FAM167A: variants seen among roughly 807,000 people sequenced by gnomAD.
FAM167A encodes the protein protein FAM167A.
Under a neutral mutation model 14.9 loss-of-function variants are expected in FAM167A, and 23 were observed. The observed-to-expected ratio is 1.55, with a 90% CI of 1.11 to 2.19. The LOEUF is 2.19. Ranked by LOEUF, FAM167A falls within the 30% of genes most tolerant of loss-of-function variation. FAM167A has a pLI of 0.00. For synonymous variants in FAM167A, 174 were observed against 117.7 expected, an observed-to-expected ratio of 1.48 and a Z score of -3.10; for missense variants, 401 against 281.5, an observed-to-expected ratio of 1.42 and a Z score of -3.04.
At chr8:11,438,036 G>A (rs550571744) in intron 2 of FAM167A, 24 of 389,496 alleles carry the variant, frequency 6.2e-5, no homozygotes, top group East Asian at 3.0e-4. Flanking sequence ...CTTCTCCTTC[G>A]AAGGGAAACT....
intron 2 of FAM167A, among the ~76,000 whole-genome samples, chr8:11,431,819 CT>C (rs1805610909): frequency 7.7e-6 from 1 of 130,262 alleles, no homozygotes; most frequent in Non-Finnish European, 1.5e-5. Flanking sequence ...GAAGAGTAGT[CT>C]GGGAGGTAGA....
At chr8:11,430,871 C>G (rs1022590435) in intron 2 of FAM167A, among the ~76,000 whole-genome samples, 5 of 152,022 alleles carry the variant, frequency 3.3e-5, no homozygotes, top group Non-Finnish European at 7.3e-5. Context: ...TCTAATGCAT[C>G]AAGCCAGTGG....
At chr8:11,446,186 C>T (rs1192196932) in intron 1 of FAM167A, among the ~76,000 whole-genome samples, 1 of 152,188 alleles carries the variant, frequency 6.6e-6, no homozygotes, top group Non-Finnish European at 1.5e-5. Context: ...TGGGATTCCT[C>T]TCCGACATGG....
chr8:11,437,680 G>C (rs973881393), intron 2 of FAM167A, among the ~76,000 whole-genome samples: 3 of 147,562 alleles, frequency 2.0e-5, no homozygotes, highest in Non-Finnish European at 2.9e-5. Flanking sequence ...AGGGCTGGGA[G>C]GGATCTGCAT....
chr8:11,447,095 C>A (rs571329907), intron 1 of FAM167A, among the ~76,000 whole-genome samples: 17 of 152,326 alleles, frequency 1.1e-4, no homozygotes, highest in South Asian at 1.0e-3. Flanking sequence ...GCTACCACTG[C>A]TGGGTGAGGG....
Position 11,438,477 on chromosome 8 carries a change from C to T in FAM167A, c.381+5554G>A, listed in dbSNP as rs904421980. The stretch of plus-strand genomic sequence containing the variant: ...GAAGTACAAGGTGAAGAATGCATAC[C>T]GATTACATTGGCAAGGGAGAGAAGA... On this transcript the variant is annotated intron_variant, in intron 2 of 2. Coordinates refer to ENST00000284486, the MANE Select transcript of FAM167A (RefSeq NM_053279.3). 9 of 457,200 alleles carry T rather than the reference C, an allele frequency of 2.0e-5. No homozygotes were observed. In the East Asian group the frequency reaches 2.1e-4, roughly 11 times the overall value. 28.3% of individuals were successfully genotyped at this position (457,200 alleles called of 1,614,324 possible).
chr8:11,426,824 T>A (rs1357011764), intron 2 of FAM167A, among the ~76,000 whole-genome samples: 2 of 152,212 alleles, frequency 1.3e-5, no homozygotes, highest in African/African-American at 4.8e-5. Context: ...TGTGTCTTAG[T>A]CTGGCTCACT....
chr8:11,441,629 T>C (rs1806443444), intron 2 of FAM167A, among the ~76,000 whole-genome samples: 1 of 152,206 alleles, frequency 6.6e-6, no homozygotes, highest in African/African-American at 2.4e-5. Context: ...CCCATAGCTC[T>C]CTACCCTGTA....
chr8:11,429,151 C>T (rs1323990012), intron 2 of FAM167A, among the ~76,000 whole-genome samples: 1 of 152,206 alleles, frequency 6.6e-6, no homozygotes, highest in Non-Finnish European at 1.5e-5. Context: ...CTGGCACCCA[C>T]CCTTCTACTT....
intron 2 of FAM167A, among the ~76,000 whole-genome samples, chr8:11,436,597 T>G (rs1295362349): frequency 6.6e-6 from 1 of 152,206 alleles, no homozygotes; most frequent in Non-Finnish European, 1.5e-5. Context: ...CAATTCCACC[T>G]GCAGGAAGGC....
chr8:11,474,605 T>C (rs1284059244), intron 1 of FAM167A: 3 of 152,244 alleles, frequency 2.0e-5, no homozygotes, highest in Admixed American at 6.5e-5. Context: ...AGAGATGGGC[T>C]TACCTAGGGT....
rs989481310 is a variant in FAM167A, at chr8:11,424,269, C to G, written c.*104G>C. Reference sequence around the variant, plus strand: ...CCTTGAGTCGCCAGTCCCAGGGACCCCTGCCTCCGGGAGACCCACTGGAGT... The same window carrying G: ...CCTTGAGTCGCCAGTCCCAGGGACCGCTGCCTCCGGGAGACCCACTGGAGT... On this transcript the variant is annotated 3_prime_UTR_variant, in exon 3 of 3. Coordinates refer to ENST00000284486, the MANE Select transcript of FAM167A (RefSeq NM_053279.3). 5 of 1,503,980 alleles carry G rather than the reference C, an allele frequency of 3.3e-6. No homozygotes were observed. The African/African-American group carries it at 5.5e-5, about 17-fold the overall frequency. 93.2% of individuals were successfully genotyped at this position (1,503,980 alleles called of 1,614,324 possible). A position where few individuals can be genotyped will look rare whatever the true frequency, so the allele number is the denominator to read the frequency against.
At chr8:11,460,189 C>T (rs1199537486) in intron 1 of FAM167A, among the ~76,000 whole-genome samples, 1 of 152,272 alleles carries the variant, frequency 6.6e-6, no homozygotes, top group African/African-American at 2.4e-5. Flanking sequence ...TAGTGGGCTG[C>T]ACCCGTAGAT....
At chr8:11,438,124 C>CCG (rs1219053841) in intron 2 of FAM167A, 33 of 456,638 alleles carry the variant, frequency 7.2e-5, no homozygotes, top group Admixed American at 6.3e-4. Flanking sequence ...CCAGTGGAGG[C>CCG]CGGTAGTGCT....
At chr8:11,450,530 C>T (rs551100604) in intron 1 of FAM167A, among the ~76,000 whole-genome samples, 46 of 152,304 alleles carry the variant, frequency 3.0e-4, no homozygotes, top group African/African-American at 1.1e-3. Flanking sequence ...TCTGAGCTGG[C>T]CCCTAACCAC....
intron 1 of FAM167A, among the ~76,000 whole-genome samples, chr8:11,455,358 AG>A (rs1807198897): frequency 2.4e-5 from 1 of 41,996 alleles, no homozygotes; most frequent in Non-Finnish European, 4.5e-5. Flanking sequence ...GAGTGTGAGG[AG>A]TGTGAGTGTG....
chr8:11,437,529 G>C (rs1274302268), intron 2 of FAM167A, among the ~76,000 whole-genome samples: 1 of 152,180 alleles, frequency 6.6e-6, no homozygotes, highest in Non-Finnish European at 1.5e-5. Flanking sequence ...AATCTGACTT[G>C]AAGTTGAATC....
chr8:11,432,021 T>C (rs1202619343), intron 2 of FAM167A, among the ~76,000 whole-genome samples: 2 of 151,726 alleles, frequency 1.3e-5, no homozygotes, highest in African/African-American at 4.8e-5. Context: ...TAACATAGGA[T>C]GTGCATTTGG....
intron 2 of FAM167A, among the ~76,000 whole-genome samples, chr8:11,427,370 C>A (rs146446121): frequency 1.3e-5 from 2 of 152,226 alleles, no homozygotes; most frequent in Admixed American, 6.5e-5. Context: ...CACTTTGTCA[C>A]TGGGACAGGT....
Sources: gnomAD v4.1 joint callset for allele counts (sites outside exome capture counted in the v4.1 genomes callset) on GRCh38, gnomAD v4.1.1 for gene constraint, MANE v1.5 for transcripts, NCBI Gene and HGNC (gene_info 2026-07-23, HGNC 2026-07-21) for gene names.